The following TXNRD1 variants were observed in gnomAD, a reference collection of about 807,000 sequenced individuals.
TXNRD1 encodes thioredoxin reductase 1, cytoplasmic.
TXNRD1 carries 57 observed loss-of-function variants against 80.3 expected under a neutral mutation model. The ratio of observed to expected loss-of-function variants is 0.71; its 90% confidence interval spans 0.57 to 0.89. The LOEUF is 0.89. Ranked by LOEUF, TXNRD1 falls within the 40% of genes least tolerant of loss-of-function variation. The pLI is 0.00. For synonymous variants in TXNRD1, 291 were observed against 285.2 expected, an observed-to-expected ratio of 1.02 and a Z score of -0.20; for missense variants, 730 against 803.0, an observed-to-expected ratio of 0.91 and a Z score of 1.10.
chr12:104,254,644 A>AAAAAAAAAAAAAAAAAAAAAAAATAT, intron 2 of TXNRD1, among the ~76,000 whole-genome samples: 2 of 93,648 alleles, frequency 2.1e-5, no homozygotes, highest in East Asian at 2.7e-4. Context: ...AAAAAAAAAA[A>AAAAAAAAAAAAAAAAAAAAAAAATAT]ATATATATAT....
intron 2 of TXNRD1, among the ~76,000 whole-genome samples, chr12:104,257,129 A>C (rs1179018439): frequency 1.3e-5 from 2 of 151,894 alleles, no homozygotes; most frequent in Admixed American, 6.6e-5. Flanking sequence ...TGTACATAAA[A>C]GTCTCTTGTG....
intron 4 of TXNRD1, among the ~76,000 whole-genome samples, chr12:104,292,171 A>G (rs2034242013): frequency 6.6e-6 from 1 of 152,202 alleles, no homozygotes. Flanking sequence ...TGTACTATAG[A>G]AGACAAGGGA....
At chr12:104,264,097 G>A (rs1229493473) in intron 3 of TXNRD1, among the ~76,000 whole-genome samples, 2 of 152,158 alleles carry the variant, frequency 1.3e-5, no homozygotes, top group Admixed American at 6.5e-5. Flanking sequence ...CTTTGGTATT[G>A]ATACTTACTC....
chr12:104,266,234 A>C (rs1027685048), intron 3 of TXNRD1, among the ~76,000 whole-genome samples: 2 of 152,182 alleles, frequency 1.3e-5, no homozygotes, highest in African/African-American at 2.4e-5. Context: ...TGGGATAATA[A>C]TACTAGGAAG....
intron 10 of TXNRD1, among the ~76,000 whole-genome samples, chr12:104,321,803 G>A (rs1198927781): frequency 6.6e-6 from 1 of 151,950 alleles, no homozygotes; most frequent in Non-Finnish European, 1.5e-5. Flanking sequence ...AACCTTTTTC[G>A]CTCTTTTAAT....
intron 10 of TXNRD1, among the ~76,000 whole-genome samples, chr12:104,323,010 C>G (rs566411586): frequency 2.3e-5 from 3 of 129,084 alleles, no homozygotes; most frequent in Admixed American, 7.8e-5. Context: ...TGACTCTTAA[C>G]GAGCATGCTG....
intron 3 of TXNRD1, among the ~76,000 whole-genome samples, chr12:104,270,635 T>C (rs968010801): frequency 1.3e-5 from 2 of 152,110 alleles, no homozygotes; most frequent in Non-Finnish European, 2.9e-5. Flanking sequence ...AAATCATAAG[T>C]ATAGAAACAC....
chr12:104,326,306 C>A (rs35472124), intron 11 of TXNRD1, 41 bp from the exon 12 acceptor site: 13 of 1,356,742 alleles, frequency 9.6e-6, no homozygotes, highest in Non-Finnish European at 1.2e-5. Flanking sequence ...AAATGCAAAG[C>A]CTTTTTGTTA....
intron 1 of TXNRD1, among the ~76,000 whole-genome samples, chr12:104,246,017 G>A (rs1477616221): frequency 5.3e-5 from 8 of 150,538 alleles, no homozygotes; most frequent in Non-Finnish European, 2.9e-5. Flanking sequence ...GGAGGTCAAG[G>A]CAGGAGAATG....
At chr12:104,254,507 G>A (rs1277616906) in intron 2 of TXNRD1, among the ~76,000 whole-genome samples, 1 of 151,182 alleles carries the variant, frequency 6.6e-6, no homozygotes, top group East Asian at 1.9e-4. Flanking sequence ...TTAAAGAATC[G>A]GGAGCTGGGC....
intron 15 of TXNRD1, 108 bp downstream of exon 15, chr12:104,334,440 T>G (rs1040739219): frequency 7.7e-6 from 4 of 518,766 alleles, no homozygotes; most frequent in Non-Finnish European, 1.2e-5. Context: ...TGGAGTGCAG[T>G]GGCGCTATCT....
At chr12:104,261,879 G>A (rs778744991) in intron 3 of TXNRD1, among the ~76,000 whole-genome samples, 1 of 151,852 alleles carries the variant, frequency 6.6e-6, no homozygotes, top group African/African-American at 2.4e-5. Context: ...CTCCCAAGTA[G>A]ATGGGATTAC....
chr12:104,242,462 C>T (rs898382977), intron 1 of TXNRD1, among the ~76,000 whole-genome samples: 35 of 151,676 alleles, frequency 2.3e-4, no homozygotes, highest in African/African-American at 7.0e-4. Flanking sequence ...GCAGGAGAAT[C>T]GCTTGAACCT....
At chr12:104,246,742 C>T (rs1036345056) in intron 1 of TXNRD1, among the ~76,000 whole-genome samples, 9 of 151,764 alleles carry the variant, frequency 5.9e-5, no homozygotes, top group African/African-American at 1.9e-4. Flanking sequence ...AGGATGGTCT[C>T]GATCTCCTGA....
chr12:104,305,848 C>T (rs1218867746), intron 4 of TXNRD1, among the ~76,000 whole-genome samples: 5 of 152,194 alleles, frequency 3.3e-5, no homozygotes, highest in African/African-American at 4.8e-5. Context: ...TCACAATCTA[C>T]GCTTTTTCAT....
chr12:104,272,380 G>A (rs541556864), intron 3 of TXNRD1, among the ~76,000 whole-genome samples: 2 of 152,264 alleles, frequency 1.3e-5, no homozygotes, highest in South Asian at 2.1e-4. Flanking sequence ...GCAGGTAATC[G>A]GAATGAGTCA....
chr12:104,236,396 G>T (rs964958977), intron 1 of TXNRD1, among the ~76,000 whole-genome samples: 1 of 152,112 alleles, frequency 6.6e-6, no homozygotes, highest in Non-Finnish European at 1.5e-5. Flanking sequence ...CACCTGTGAG[G>T]TTACTGTTTG....
chr12:104,256,717 T>C (rs1389897528), intron 2 of TXNRD1, among the ~76,000 whole-genome samples: 1 of 148,780 alleles, frequency 6.7e-6, no homozygotes, highest in African/African-American at 2.5e-5. Context: ...GAGGCAGAGA[T>C]TGCAGTGAGC....
intron 1 of TXNRD1, among the ~76,000 whole-genome samples, chr12:104,238,303 G>T (rs1380216003): frequency 6.6e-6 from 1 of 152,158 alleles, no homozygotes; most frequent in Non-Finnish European, 1.5e-5. Flanking sequence ...TTTTAATATT[G>T]TAACATTGAC....
Sources: allele counts gnomAD v4.1 joint callset (sites outside exome capture counted in the v4.1 genomes callset), GRCh38; gene constraint gnomAD v4.1.1; transcripts MANE v1.5; gene names NCBI Gene and HGNC (gene_info 2026-07-23, HGNC 2026-07-21).